Variants in PAX5 observed in about 807,000 individuals in gnomAD.
PAX5 encodes the protein paired box protein Pax-5.
A neutral mutation model predicts 43.7 loss-of-function variants in PAX5; 9 were observed. That is an observed-to-expected ratio of 0.21 (90% CI 0.12 to 0.36). The LOEUF (loss-of-function observed/expected upper bound fraction) is 0.36, where lower values mean the gene tolerates loss of function less well. Ranked by LOEUF, PAX5 falls within the 10% of genes least tolerant of loss-of-function variation. The pLI, the probability that PAX5 is intolerant of heterozygous loss-of-function variation, is 1.00. For synonymous variants in PAX5, 228 were observed against 214.3 expected, an observed-to-expected ratio of 1.06 and a Z score of -0.56; for missense variants, 383 against 532.7, an observed-to-expected ratio of 0.72 and a Z score of 2.77.
At chr9:36,976,479 T>C (rs576938202) in intron 5 of PAX5, among the ~76,000 whole-genome samples, 1 of 152,280 alleles carries the variant, frequency 6.6e-6, no homozygotes, top group Admixed American at 6.5e-5. Context: ...GGCAAACGCT[T>C]CTAGGACATC....
intron 5 of PAX5, among the ~76,000 whole-genome samples, chr9:37,001,326 C>T (rs1000821121): frequency 1.3e-5 from 2 of 152,224 alleles, no homozygotes; most frequent in African/African-American, 2.4e-5. Context: ...TGTCCCTCCA[C>T]CGTGAACAAA....
rs759870142 is a variant in PAX5 at position 37,034,082 on chromosome 9, T to C, written c.-51A>G. The C allele has an allele frequency of 9.1e-7, 1 of 1,093,300 alleles. No individual in the cohort carries two copies. The highest frequency in any genetic ancestry group is 1.3e-6 in the Non-Finnish European group (1 of 747,072). 67.7% of individuals were successfully genotyped at this position (1,093,300 alleles called of 1,614,324 possible). On this transcript the variant is annotated 5_prime_UTR_variant, in exon 1 of 10. Transcript: ENST00000358127. ...TGGACAGGGAAAAGTTTCCACTTTT[T>C]TGTGCCTTTTTTTTTCTTTTTTTTT... is the stretch of plus-strand genomic sequence containing the variant.
In PAX5 at chr9:36,945,103, C is replaced by T. The variant is rs985026460; in HGVS notation, c.780+21446G>A. 4.6e-5 allele frequency among the ~76,000 whole-genome samples: 7 copies of T among 152,180 alleles called. No homozygotes were observed. In the East Asian group the frequency reaches 5.8e-4, roughly 13 times the overall value. ...CGCACAGATCTATAGATGACGGAGA[C>T]GCCAAAGTTCCTCTCTGTATAACAC... On this transcript the variant is annotated intron_variant, in intron 6 of 9. Transcript: ENST00000358127.
chr9:36,950,994 G>A (rs903840206), intron 6 of PAX5, among the ~76,000 whole-genome samples: 1 of 151,898 alleles, frequency 6.6e-6, no homozygotes, highest in Non-Finnish European at 1.5e-5. Flanking sequence ...CGCCCACCTC[G>A]GCCTCCCAAA....
intron 7 of PAX5, among the ~76,000 whole-genome samples, chr9:36,908,756 G>C (rs1829017054): frequency 6.6e-6 from 1 of 152,194 alleles, no homozygotes; most frequent in Non-Finnish European, 1.5e-5. Context: ...CTGCTTGAAG[G>C]CTCTTTGGAA....
At chr9:36,855,950 C>T (rs1823630800) in intron 8 of PAX5, among the ~76,000 whole-genome samples, 1 of 152,226 alleles carries the variant, frequency 6.6e-6, no homozygotes. Flanking sequence ...AGAGCAGTCC[C>T]CCACTGGTCC....
chr9:36,907,838 T>C (rs1235812655), intron 7 of PAX5, among the ~76,000 whole-genome samples: 2 of 152,150 alleles, frequency 1.3e-5, no homozygotes, highest in Non-Finnish European at 2.9e-5. Flanking sequence ...ATCTACAGAA[T>C]GGATTAGGAA....
At chr9:36,982,698 A>G (rs1199841980) in intron 5 of PAX5, among the ~76,000 whole-genome samples, 1 of 152,148 alleles carries the variant, frequency 6.6e-6, no homozygotes, top group Non-Finnish European at 1.5e-5. Context: ...TCACTGACTG[A>G]GGCCCCTGGG....
intron 7 of PAX5, among the ~76,000 whole-genome samples, chr9:36,921,093 G>A (rs528791783): frequency 2.6e-5 from 4 of 152,292 alleles, no homozygotes; most frequent in South Asian, 4.1e-4. Flanking sequence ...GATTACAGGC[G>A]TGAGCCACTG....
chr9:36,925,213 T>G (rs1374172270), intron 6 of PAX5, among the ~76,000 whole-genome samples: 1 of 151,968 alleles, frequency 6.6e-6, no homozygotes, highest in Admixed American at 6.6e-5. Context: ...GTCCAGGAGG[T>G]GCTGCAGGCC....
Position 36,836,012 on chromosome 9 carries a change from T to G in PAX5, c.*4548A>C, listed in dbSNP as rs1821618240. On this transcript the variant is annotated 3_prime_UTR_variant, in exon 10 of 10. Transcript: ENST00000358127. ...GTTTTTAAGATTTGCTTCCCTGGCT[T>G]GGAGCTCAATTCTGGCTGAATGTCA... 4.3e-6 allele frequency: 1 copy of G among 233,566 alleles called. No individual in the cohort carries two copies. Among genetic ancestry groups the G allele is most frequent in the South Asian group, 1.8e-4 (1 of 5,538 alleles). 14.5% of individuals were successfully genotyped at this position (233,566 alleles called of 1,614,324 possible). A position where few individuals can be genotyped will look rare whatever the true frequency, so the allele number is the denominator to read the frequency against.
chr9:36,891,557 A>G (rs1374298370), intron 7 of PAX5, among the ~76,000 whole-genome samples: 1 of 152,096 alleles, frequency 6.6e-6, no homozygotes, highest in Non-Finnish European at 1.5e-5. Flanking sequence ...GCAGAGGGGG[A>G]ATATTTCACC....
intron 6 of PAX5, among the ~76,000 whole-genome samples, chr9:36,935,302 C>A (rs1831456644): frequency 6.6e-6 from 1 of 152,164 alleles, no homozygotes; most frequent in African/African-American, 2.4e-5. Flanking sequence ...ATTGCTTGAA[C>A]CCGGGGGGCG....
intron 6 of PAX5, among the ~76,000 whole-genome samples, 161 bp from the exon 7 acceptor site, chr9:36,923,645 T>TC (rs920207120): frequency 5.5e-4 from 83 of 152,194 alleles, no homozygotes; most frequent in African/African-American, 2.0e-3. Flanking sequence ...AAGGGCAGAG[T>TC]CAGCTTGGTG....
At chr9:36,862,627 C>T (rs923985670) in intron 8 of PAX5, among the ~76,000 whole-genome samples, 2 of 152,162 alleles carry the variant, frequency 1.3e-5, no homozygotes, top group Non-Finnish European at 1.5e-5. Flanking sequence ...AGAGAAGCCA[C>T]CCCTGGCTGG....
chr9:36,989,749 C>A (rs7868665), intron 5 of PAX5, among the ~76,000 whole-genome samples: 1 of 151,970 alleles, frequency 6.6e-6, no homozygotes, highest in Non-Finnish European at 1.5e-5. Flanking sequence ...GAACGTTTGA[C>A]GTGCAAGGCT....
intron 4 of PAX5, 93 bp from the exon 5 acceptor site, chr9:37,002,869 G>T: frequency 1.4e-6 from 2 of 1,410,492 alleles, no homozygotes; most frequent in Non-Finnish European, 1.9e-6. Flanking sequence ...GGCTGGGAGG[G>T]AGCGAGCGCA....
In PAX5 at chr9:36,882,790, C is replaced by T. The variant is rs533785554; in HGVS notation, c.911-685G>A. On this transcript the variant is annotated intron_variant, in intron 7 of 9. Coordinates refer to ENST00000358127, the MANE Select transcript of PAX5 (RefSeq NM_016734.3). The surrounding 1 kb of genome is among the most constrained non-coding windows in gnomAD (Gnocchi z 4.4). Reference sequence around the variant, plus strand: ...GAGGTTAAGGCCTCAGCCCTCAAGGCGTGCACACTCCCATGGGCGAGTGTC... The same window carrying T: ...GAGGTTAAGGCCTCAGCCCTCAAGGTGTGCACACTCCCATGGGCGAGTGTC... Among the ~76,000 whole-genome samples the T allele has an allele frequency of 2.6e-5, 4 of 152,278 alleles. No individual in the cohort carries two copies. Among genetic ancestry groups the T allele is most frequent in the African/African-American group, 7.2e-5 (3 of 41,476 alleles).
chr9:36,935,418 G>T (rs1831469877), intron 6 of PAX5, among the ~76,000 whole-genome samples: 1 of 151,856 alleles, frequency 6.6e-6, no homozygotes, highest in Non-Finnish European at 1.5e-5. Flanking sequence ...ATTTGCAGCA[G>T]AATTGAAGGG....
Sources: gnomAD v4.1 joint callset for allele counts (sites outside exome capture counted in the v4.1 genomes callset) on GRCh38, gnomAD v4.1.1 for gene constraint, Gnocchi (gnomAD v3.1) non-coding constraint, MANE v1.5 for transcripts, NCBI Gene and HGNC (gene_info 2026-07-23, HGNC 2026-07-21) for gene names.